Variants in CPNE8 observed in about 807,000 individuals in gnomAD.
CPNE8 encodes copine 8.
CPNE8 carries 45 observed loss-of-function variants against 81.5 expected under a neutral mutation model. That is an observed-to-expected ratio of 0.55 (90% CI 0.44 to 0.71). The LOEUF (loss-of-function observed/expected upper bound fraction) is 0.71, where lower values mean the gene tolerates loss of function less well. Ranked by LOEUF, CPNE8 falls within the 30% of genes least tolerant of loss-of-function variation. The probability of loss-of-function intolerance (pLI) is 0.00; values close to 1 mark genes in which losing one functional copy is unlikely to be tolerated. For missense variants in CPNE8, 594 were observed against 672.1 expected, an observed-to-expected ratio of 0.88 and a Z score of 1.28; for synonymous variants, 252 against 226.3, an observed-to-expected ratio of 1.11 and a Z score of -1.02.
intron 13 of CPNE8, among the ~76,000 whole-genome samples, chr12:38,711,033 A>C (rs996668170): frequency 3.3e-5 from 5 of 152,202 alleles, no homozygotes; most frequent in African/African-American, 1.2e-4. Context: ...ACAATAGAAT[A>C]ATTTCACAGA....
At chr12:38,723,955 T>C (rs1940634703) in intron 12 of CPNE8, 122 bp from the exon 13 acceptor site, 1 of 637,224 alleles carries the variant, frequency 1.6e-6, no homozygotes, top group African/African-American at 1.8e-5. Context: ...TATTATTTTT[T>C]ATTAACATCT....
intron 10 of CPNE8, among the ~76,000 whole-genome samples, chr12:38,739,389 T>A (rs1348205644): frequency 1.3e-5 from 2 of 152,176 alleles, no homozygotes; most frequent in Non-Finnish European, 2.9e-5. Context: ...CCCAGAGACA[T>A]TAAATCTAAT....
intron 14 of CPNE8, among the ~76,000 whole-genome samples, chr12:38,699,891 G>T (rs577383220): frequency 6.6e-6 from 1 of 152,154 alleles, no homozygotes; most frequent in Admixed American, 6.5e-5. Flanking sequence ...TGCATTAAAA[G>T]AACTGAGTTT....
At chr12:38,696,102 A>G (rs1939789620) in intron 14 of CPNE8, among the ~76,000 whole-genome samples, 1 of 152,200 alleles carries the variant, frequency 6.6e-6, no homozygotes, top group African/African-American at 2.4e-5. Flanking sequence ...GAACATTTAA[A>G]CATTTTAACC....
At chr12:38,852,680 A>G (rs993421978) in intron 3 of CPNE8, among the ~76,000 whole-genome samples, 5 of 152,120 alleles carry the variant, frequency 3.3e-5, no homozygotes, top group East Asian at 1.9e-4. Flanking sequence ...GGACACAGAC[A>G]TGTGTTTGAT....
chr12:38,798,164 G>T (rs1224618176), intron 6 of CPNE8, among the ~76,000 whole-genome samples: 1 of 152,060 alleles, frequency 6.6e-6, no homozygotes, highest in Non-Finnish European at 1.5e-5. Context: ...ATCTAGCAAG[G>T]CAGGCCAACA....
intron 3 of CPNE8, among the ~76,000 whole-genome samples, chr12:38,853,379 G>C (rs182701991): frequency 6.6e-6 from 1 of 151,878 alleles, no homozygotes; most frequent in Non-Finnish European, 1.5e-5. Context: ...AAAAAGTCTC[G>C]TTCTGAATAT....
intron 10 of CPNE8, among the ~76,000 whole-genome samples, chr12:38,738,447 T>G (rs1364556535): frequency 6.6e-6 from 1 of 152,186 alleles, no homozygotes; most frequent in East Asian, 1.9e-4. Flanking sequence ...CAAATTTGCC[T>G]AGAAGATTTG....
At position 38,855,015 on chromosome 12, in the gene CPNE8, A is replaced by G. The variant is rs950310325; in HGVS notation, c.187-6353T>C. Among the ~76,000 whole-genome samples, 7 of 152,028 alleles carry G rather than the reference A, an allele frequency of 4.6e-5. No individual in the cohort carries two copies. In the East Asian group the frequency reaches 5.8e-4, roughly 13 times the overall value. Reference sequence around the variant, plus strand: ...TATAGAGAAAGTTCTAGACTCCACCAATAAACTATTTCAACTGATAAAGTC... The same window carrying G: ...TATAGAGAAAGTTCTAGACTCCACCGATAAACTATTTCAACTGATAAAGTC... On this transcript the variant is annotated intron_variant, in intron 3 of 19. Transcript: ENST00000331366.
At chr12:38,781,261 G>A (rs1022973822) in intron 6 of CPNE8, among the ~76,000 whole-genome samples, 1 of 151,906 alleles carries the variant, frequency 6.6e-6, no homozygotes, top group Non-Finnish European at 1.5e-5. Context: ...GGGCAGATGA[G>A]GATCACTAAG....
At chr12:38,847,868 G>C (rs987228517) in intron 4 of CPNE8, among the ~76,000 whole-genome samples, 4 of 152,010 alleles carry the variant, frequency 2.6e-5, no homozygotes, top group African/African-American at 7.2e-5. Flanking sequence ...TAATGTTCAT[G>C]AATTTCCTTT....
chr12:38,672,075 A>G lies in CPNE8; in HGVS notation c.1433-1273T>C, dbSNP rs12297899. ...AATTTGCTTTTACAATTTTCACATT[A>G]CTTTGGGACATAAATATGCACCAAT... On this transcript the variant is annotated intron_variant, in intron 18 of 19. Coordinates refer to ENST00000331366, the MANE Select transcript of CPNE8 (RefSeq NM_153634.3). Among the ~76,000 whole-genome samples, 814 of 152,312 alleles carry G rather than the reference A, an allele frequency of 5.3e-3. 9 individuals carry two copies. The highest frequency in any genetic ancestry group is 0.019 in the African/African-American group (784 of 41,574).
At chr12:38,816,908 A>AT (rs1943033729) in intron 6 of CPNE8, among the ~76,000 whole-genome samples, 1 of 152,174 alleles carries the variant, frequency 6.6e-6, no homozygotes, top group South Asian at 2.1e-4. Context: ...ATTATTGGAA[A>AT]TTTTTACTTA....
At chr12:38,790,455 A>C (rs998899675) in intron 6 of CPNE8, among the ~76,000 whole-genome samples, 1 of 151,684 alleles carries the variant, frequency 6.6e-6, no homozygotes. Context: ...GAAGGGTAGT[A>C]GGTGCTTGGG....
At chr12:38,781,875 C>CA (rs1199348751) in intron 6 of CPNE8, among the ~76,000 whole-genome samples, 2 of 151,918 alleles carry the variant, frequency 1.3e-5, no homozygotes, top group African/African-American at 2.4e-5. Flanking sequence ...GGACATTCTA[C>CA]AAAAAATCTA....
At chr12:38,815,980 T>C (rs910754506) in intron 6 of CPNE8, among the ~76,000 whole-genome samples, 4 of 152,176 alleles carry the variant, frequency 2.6e-5, no homozygotes, top group Non-Finnish European at 4.4e-5. Flanking sequence ...ATGTCAAAAA[T>C]GTTTCAAGAA....
intron 13 of CPNE8, among the ~76,000 whole-genome samples, chr12:38,717,456 T>TATATATATATATATATATAC (rs1215784272): frequency 2.9e-5 from 4 of 139,498 alleles, no homozygotes; most frequent in African/African-American, 1.1e-4. Flanking sequence ...TATATATATA[T>TATATATATATATATATATAC]ATACACCATG....
rs553940812 is a variant in CPNE8, at chr12:38,658,829, C to T, written c.1507-4759G>A. Among the ~76,000 whole-genome samples the T allele has an allele frequency of 9.8e-5, 15 of 152,292 alleles. No individual in the cohort carries two copies. The South Asian group carries it at 3.1e-3, about 32-fold the overall frequency. The stretch of plus-strand genomic sequence containing the variant: ...TCATAAGTGAAGGAGAAATAAAAAC[C>T]TTTACAGGCAAGCACATGCTGAGAG... On this transcript the variant is annotated intron_variant, in intron 19 of 19. Transcript: ENST00000331366.
At chr12:38,763,624 C>A (rs1446194844) in intron 8 of CPNE8, among the ~76,000 whole-genome samples, 17 of 152,202 alleles carry the variant, frequency 1.1e-4, no homozygotes, top group Admixed American at 1.0e-3. Flanking sequence ...TTTTCTGATT[C>A]AAATTCCAGT....
Sources: gnomAD v4.1 joint callset for allele counts (sites outside exome capture counted in the v4.1 genomes callset) on GRCh38, gnomAD v4.1.1 for gene constraint, MANE v1.5 for transcripts, NCBI Gene and HGNC (gene_info 2026-07-23, HGNC 2026-07-21) for gene names.